Variants in SRRM4 observed in about 807,000 individuals in gnomAD.
SRRM4 encodes serine/arginine repetitive matrix protein 4.
In SRRM4, 33 loss-of-function variants were observed where a neutral mutation model predicts 68.9. The observed-to-expected ratio is 0.48, with a 90% CI of 0.36 to 0.64. The LOEUF is 0.64. Ranked by LOEUF, SRRM4 falls within the 30% of genes least tolerant of loss-of-function variation. The pLI is 0.00. For synonymous variants in SRRM4, 318 were observed against 318.8 expected (o/e 1.00, Z 0.03); for missense variants, 817 against 827.1 (o/e 0.99, Z 0.15).
At chr12:119,043,725 C>T (rs73408018) in intron 1 of SRRM4, among the ~76,000 whole-genome samples, 1,642 of 149,688 alleles carry the variant, frequency 0.011, 27 homozygotes, top group African/African-American at 0.037. Context: ...AAGAAAAGGG[C>T]GTAGGGGAAC....
chr12:119,069,461 A>T (rs11614735), intron 1 of SRRM4, among the ~76,000 whole-genome samples: 43,527 of 152,028 alleles, frequency 0.29, 6,648 homozygotes, highest in East Asian at 0.43. Flanking sequence ...TAGCAGCTGG[A>T]GGCCACAGCA....
chr12:119,093,088 G>T (rs551103784), intron 1 of SRRM4, among the ~76,000 whole-genome samples: 6 of 152,156 alleles, frequency 3.9e-5, no homozygotes, highest in African/African-American at 1.4e-4. Context: ...CTCAATGAGG[G>T]CTTCTCTGAT....
At chr12:118,991,682 T>C (rs1443365662) in intron 1 of SRRM4, 1 of 152,214 alleles carries the variant, frequency 6.6e-6, no homozygotes, top group African/African-American at 2.4e-5. Context: ...CCATATGGAA[T>C]TGCCAATATT....
intron 8 of SRRM4, among the ~76,000 whole-genome samples, chr12:119,138,742 C>T (rs1267537111): frequency 6.6e-6 from 1 of 152,240 alleles, no homozygotes; most frequent in East Asian, 1.9e-4. Context: ...TATTAGCACT[C>T]ATTTTCCATC....
chr12:119,153,785 C>A (rs533796453), intron 11 of SRRM4, 136 bp downstream of exon 11: 1 of 650,252 alleles, frequency 1.5e-6, no homozygotes, highest in Non-Finnish European at 2.7e-6. Flanking sequence ...TCTTACAGTT[C>A]CCTTTGTCCA....
intron 1 of SRRM4, among the ~76,000 whole-genome samples, chr12:119,080,428 C>A (rs1953941159): frequency 6.6e-6 from 1 of 152,002 alleles, no homozygotes; most frequent in African/African-American, 2.4e-5. Flanking sequence ...ATTTCCACAC[C>A]ATTGTCTATG....
chr12:119,124,571 C>T lies in SRRM4; in HGVS notation c.516-810C>T, dbSNP rs138429454. 1.6e-3 allele frequency among the ~76,000 whole-genome samples: 241 copies of T among 152,284 alleles called. 1 individual carries two copies. The highest frequency in any genetic ancestry group is 7.9e-3 in the South Asian group (38 of 4,820). On this transcript the variant is annotated intron_variant, in intron 6 of 12. Coordinates refer to ENST00000267260, the MANE Select transcript of SRRM4 (RefSeq NM_194286.4). Reference sequence around the variant, plus strand: ...TTTATATATCTTCAATTACCACTGCCGCTGCCACTACTATTTCTGAATTAT... The same window carrying T: ...TTTATATATCTTCAATTACCACTGCTGCTGCCACTACTATTTCTGAATTAT...
intron 7 of SRRM4, among the ~76,000 whole-genome samples, chr12:119,126,735 T>C (rs983044727): frequency 1.3e-5 from 2 of 152,114 alleles, no homozygotes; most frequent in South Asian, 4.2e-4. Flanking sequence ...CTATAAATCA[T>C]GCTGCTATAA....
At chr12:119,111,678 CATTT>C (rs1477934122) in intron 2 of SRRM4, among the ~76,000 whole-genome samples, 1 of 152,150 alleles carries the variant, frequency 6.6e-6, no homozygotes, top group Non-Finnish European at 1.5e-5. Context: ...TTATTTCATT[CATTT>C]ATTCTCTCTT....
At chr12:119,091,690 C>G (rs943253063) in intron 1 of SRRM4, among the ~76,000 whole-genome samples, 4 of 152,172 alleles carry the variant, frequency 2.6e-5, no homozygotes, top group Non-Finnish European at 4.4e-5. Context: ...CAAGGTCACC[C>G]AGCTGGTGAG....
Position 119,159,130 on chromosome 12 carries a change from G to A in SRRM4, c.*2332G>A, listed in dbSNP as rs1954493270. 1 of 151,910 alleles carries A rather than the reference G, an allele frequency of 6.6e-6. No homozygotes were observed. The highest frequency in any genetic ancestry group is 6.6e-5 in the Admixed American group (1 of 15,228). 9.4% of individuals were successfully genotyped at this position (151,910 alleles called of 1,614,324 possible). A position where few individuals can be genotyped will look rare whatever the true frequency, so the allele number is the denominator to read the frequency against. On this transcript the variant is annotated 3_prime_UTR_variant, in exon 13 of 13. Coordinates refer to ENST00000267260, the MANE Select transcript of SRRM4 (RefSeq NM_194286.4). ...TGGGCTATTGGCCTTCTCCCTGAAG[G>A]CTCTAAGCCTGGAACACCCTGGGGT...
At chr12:119,072,582 G>C (rs539274406) in intron 1 of SRRM4, among the ~76,000 whole-genome samples, 1 of 152,002 alleles carries the variant, frequency 6.6e-6, no homozygotes, top group East Asian at 1.9e-4. Flanking sequence ...CGTGAGATAA[G>C]GAGATTAATC....
chr12:119,122,817 G>T (rs551401872), intron 6 of SRRM4, among the ~76,000 whole-genome samples: 2 of 152,196 alleles, frequency 1.3e-5, no homozygotes, highest in African/African-American at 4.8e-5. Context: ...GAGCACATGG[G>T]TGCACGTGTG....
chr12:119,060,554 T>C (rs559002588), intron 1 of SRRM4, among the ~76,000 whole-genome samples: 1 of 151,888 alleles, frequency 6.6e-6, no homozygotes, highest in East Asian at 1.9e-4. Context: ...CTTATGGCAG[T>C]CAGGTCTCTG....
In SRRM4 at chr12:119,051,391, G is replaced by A. The variant is rs546693001; in HGVS notation, c.132-50845G>A. On this transcript the variant is annotated intron_variant, in intron 1 of 12. Coordinates refer to ENST00000267260, the MANE Select transcript of SRRM4 (RefSeq NM_194286.4). ...ACTCCTACTCTACTGGGGGAAAAAAGCAAGGCTCAGAGATGTGTCTTAGAA... is the reference window on the plus strand; with the variant it reads ...ACTCCTACTCTACTGGGGGAAAAAAACAAGGCTCAGAGATGTGTCTTAGAA... Among the ~76,000 whole-genome samples, 9 of 152,306 alleles carry A rather than the reference G, an allele frequency of 5.9e-5. No homozygotes were observed. The South Asian group carries it at 1.9e-3, about 32-fold the overall frequency.
At chr12:118,984,915 T>C (rs540933019) in intron 1 of SRRM4, among the ~76,000 whole-genome samples, 4 of 152,304 alleles carry the variant, frequency 2.6e-5, no homozygotes, top group East Asian at 1.9e-4. Context: ...CCTGAACAAA[T>C]AGTTTTACCA....
chr12:119,157,220 C>T lies in SRRM4; in HGVS notation c.*422C>T. On this transcript the variant is annotated 3_prime_UTR_variant, in exon 13 of 13. Coordinates refer to ENST00000267260, the MANE Select transcript of SRRM4 (RefSeq NM_194286.4). The surrounding 1 kb of genome is among the most constrained non-coding windows in gnomAD (Gnocchi z 4.1). ...CTCCCCGGATGCCCCACTAGTCCAA[C>T]TTCATGGCTGCACGTGGATGGACCC... The T allele has an allele frequency of 5.7e-6, 1 of 176,848 alleles. No individual in the cohort carries two copies. Among genetic ancestry groups the T allele is most frequent in the Non-Finnish European group, 1.2e-5 (1 of 83,950 alleles). 11.0% of individuals were successfully genotyped at this position (176,848 alleles called of 1,614,324 possible). A position where few individuals can be genotyped will look rare whatever the true frequency, so the allele number is the denominator to read the frequency against.
rs942676997 is a variant in SRRM4 at position 118,981,909 on chromosome 12, G to C, written c.27G>C (p.Lys9Asn). Reference sequence around the variant, plus strand: ...TGGCGAGCGTTCAGCAAGGCGAGAAGCAGCTTTTTGAGAAGTTCTGGCGAG... The same window carrying C: ...TGGCGAGCGTTCAGCAAGGCGAGAACCAGCTTTTTGAGAAGTTCTGGCGAG... The part of the protein sequence containing the change: MASVQQGE[K>N]QLFEKFWRGT... Residue 9 changes from lysine (K) to asparagine (N), a missense_variant, in exon 1 of 13, where the codon AAG becomes AAC. By Grantham distance (94) the Lys-to-Asn change is moderately conservative (BLOSUM62 0). Coordinates refer to ENST00000267260, the MANE Select transcript of SRRM4 (RefSeq NM_194286.4). 6.2e-7 allele frequency: 1 copy of C among 1,613,610 alleles called. No individual in the cohort carries two copies. Among genetic ancestry groups the C allele is most frequent in the Admixed American group, 1.7e-5 (1 of 59,992 alleles).
Position 118,985,923 on chromosome 12 carries a change from G to GAA in SRRM4, c.131+3913_131+3914dup, listed in dbSNP as rs1953279381. ...ATGCATGAGTGTTAGTAAAGGGCTA[G>GAA]AAAAGATATCCCCTTAAGTAGAACA... On this transcript the variant is annotated intron_variant, in intron 1 of 12. Coordinates refer to ENST00000267260, the MANE Select transcript of SRRM4 (RefSeq NM_194286.4). Among the ~76,000 whole-genome samples the GAA allele has an allele frequency of 2.6e-5, 4 of 152,184 alleles. No homozygotes were observed. In the South Asian group the frequency reaches 8.3e-4, roughly 31 times the overall value.
Sources: gnomAD v4.1 joint callset for allele counts (sites outside exome capture counted in the v4.1 genomes callset) on GRCh38, gnomAD v4.1.1 for gene constraint, Gnocchi (gnomAD v3.1) non-coding constraint, MANE v1.5 for transcripts, NCBI Gene and HGNC (gene_info 2026-07-23, HGNC 2026-07-21) for gene names.